The following ZNF16 variants were observed in gnomAD, a reference collection of about 807,000 sequenced individuals.
ZNF16 encodes the protein zinc finger protein 16, also known as zinc finger protein KOX9.
A neutral mutation model predicts 9.0 loss-of-function variants in ZNF16; 7 were observed. The observed-to-expected ratio is 0.78, with a 90% CI of 0.44 to 1.47. ZNF16 has a LOEUF of 1.47. Among genes scored for constraint, ZNF16 ranks in the 40% most tolerant of loss-of-function variants. The pLI is 0.01. For synonymous variants in ZNF16, 312 were observed against 301.5 expected, an observed-to-expected ratio of 1.03 and a Z score of -0.36; for missense variants, 830 against 854.2, an observed-to-expected ratio of 0.97 and a Z score of 0.35.
intron 1 of ZNF16, among the ~76,000 whole-genome samples, chr8:144,948,988 G>T (rs1239352376): frequency 6.6e-6 from 1 of 152,264 alleles, no homozygotes; most frequent in African/African-American, 2.4e-5. Flanking sequence ...CCACATGGAA[G>T]GACCTCGGAG....
rs1302573210 is a variant in ZNF16, at chr8:144,931,426, A to T, written c.1361T>A (p.Ile454Asn). The T allele has an allele frequency of 2.5e-6, 4 of 1,614,128 alleles. No individual in the cohort carries two copies. ...QSSSLIQHRR[I>N]HTGEKPHVCN... ...CACGTGAGGCTTTTCTCCAGTGTGA[A>T]TTCTCCGATGCTGAATAAGGCTGGA... The change falls in exon 3 of 3, where the codon ATT becomes AAT. Residue 454 changes from isoleucine to asparagine, a missense_variant. Ile to Asn is a moderately radical substitution (Grantham distance 149). Transcript: ENST00000394909.
At chr8:144,949,759 A>T (rs1181306461) in intron 1 of ZNF16, among the ~76,000 whole-genome samples, 1 of 152,202 alleles carries the variant, frequency 6.6e-6, no homozygotes, top group Non-Finnish European at 1.5e-5. Flanking sequence ...GCGATAAGCC[A>T]CAGGGACTTC....
chr8:144,942,348 C>T (rs1833822791), intron 2 of ZNF16, among the ~76,000 whole-genome samples: 1 of 151,744 alleles, frequency 6.6e-6, no homozygotes, highest in Non-Finnish European at 1.5e-5. Context: ...GGCACAATCT[C>T]ATGCCTCTGC....
rs770472712 is a variant in ZNF16, at chr8:144,945,919, T to C, written c.196+92A>G. 9.1e-6 allele frequency: 14 copies of C among 1,536,676 alleles called. No homozygotes were observed. In the African/African-American group the frequency reaches 1.9e-4, roughly 21 times the overall value. Reference sequence around the variant, plus strand: ...ACCCCGTCACCCTCCCTACCTGTGATGACACAGATGCCTCCTAGGGGTAAG... The same window carrying C: ...ACCCCGTCACCCTCCCTACCTGTGACGACACAGATGCCTCCTAGGGGTAAG... On this transcript the variant is annotated intron_variant, in intron 2 of 2. Transcript: ENST00000394909.
intron 2 of ZNF16, among the ~76,000 whole-genome samples, chr8:144,943,641 T>C (rs1349127717): frequency 6.6e-6 from 1 of 152,052 alleles, no homozygotes; most frequent in Non-Finnish European, 1.5e-5. Flanking sequence ...TGCCTCAGCC[T>C]CCAGAGTAGC....
chr8:144,942,580 G>A (rs922628216), intron 2 of ZNF16, among the ~76,000 whole-genome samples: 28 of 152,124 alleles, frequency 1.8e-4, no homozygotes, highest in Admixed American at 1.8e-3. Flanking sequence ...GAGCCACTGC[G>A]TCAAGCCCAT....
chr8:144,946,018 C>T lies in ZNF16; in HGVS notation c.189G>A (p.Gln63=), dbSNP rs978116875. Residue 63 remains glutamine, a synonymous_variant, in exon 2 of 3, where the codon CAG becomes CAA. Coordinates refer to ENST00000394909, the MANE Select transcript of ZNF16 (RefSeq NM_006958.3). ...GAACTGTTCTTAAAGTACCTGGCTG[C>T]TGATAGTGAGGGCAGATGGCTTCCA... The part of the protein sequence containing the change: ...TELEAICPHY[Q]QPDCDTRTED... 1.2e-5 allele frequency: 20 copies of T among 1,613,506 alleles called. No individual in the cohort carries two copies. Among genetic ancestry groups the T allele is most frequent in the Non-Finnish European group, 1.6e-5 (19 of 1,179,754 alleles).
Position 144,931,483 on chromosome 8 carries a change from C to T in ZNF16, c.1304G>A (p.Cys435Tyr). The T allele has an allele frequency of 6.2e-7, 1 of 1,614,162 alleles. No homozygotes were observed. The highest frequency in any genetic ancestry group is 8.5e-7 in the Non-Finnish European group (1 of 1,180,018). Residue 435 changes from cysteine to tyrosine, a missense_variant, in exon 3 of 3, where the codon TGC (cysteine) becomes TAC (tyrosine). Coordinates refer to ENST00000394909, the MANE Select transcript of ZNF16 (RefSeq NM_006958.3). Reference sequence around the variant, plus strand: ...ACTAAATGCTTTCCCACAGTCACTGCACTTATAGGGCTTCTCTCCAGTGTG... The same window carrying T: ...ACTAAATGCTTTCCCACAGTCACTGTACTTATAGGGCTTCTCTCCAGTGTG... The part of the protein sequence containing the change: ...RVHTGEKPYK[C>Y]SDCGKAFSQS...
At position 144,931,652 on chromosome 8, in the gene ZNF16, A is replaced by T; in HGVS notation, c.1135T>A (p.Cys379Ser). 5.0e-6 allele frequency: 8 copies of T among 1,613,874 alleles called. No individual in the cohort carries two copies. Among genetic ancestry groups the T allele is most frequent in the Non-Finnish European group, 6.8e-6 (8 of 1,179,998 alleles). The part of the protein sequence containing the change: ...RTHTGEKPFE[C>S]GECGKAFSQS... ...CTGAAGGCTTTCCCACACTCGCCAC[A>T]CTCAAAAGGCTTCTCTCCTGTGTGA... Residue 379 changes from cysteine (C) to serine (S), a missense_variant, in exon 3 of 3, where the codon TGT becomes AGT. Physicochemically the swap from Cys to Ser is moderately radical, Grantham distance 112. Coordinates refer to ENST00000394909, the MANE Select transcript of ZNF16 (RefSeq NM_006958.3).
In ZNF16 at chr8:144,946,020, G is replaced by A. The variant is rs1833917182; in HGVS notation, c.187C>T (p.Gln63Ter). The A allele has an allele frequency of 6.2e-7, 1 of 1,613,688 alleles. No homozygotes were observed. The highest frequency in any genetic ancestry group is 1.3e-5 in the African/African-American group (1 of 75,016). Reference protein sequence around the residue: ...TELEAICPHYQQPDCDTRTED... With the variant: ...TELEAICPHY ...ACTGTTCTTAAAGTACCTGGCTGCT[G>A]ATAGTGAGGGCAGATGGCTTCCAGC... Residue 63 changes from glutamine to a stop codon, truncating the protein, a stop_gained, in exon 2 of 3, where the codon CAG becomes TAG. Coordinates refer to ENST00000394909, the MANE Select transcript of ZNF16 (RefSeq NM_006958.3). LOFTEE classifies it low-confidence loss of function (END_TRUNC).
At chr8:144,946,570 T>TG (rs201832014) in intron 1 of ZNF16, among the ~76,000 whole-genome samples, 50 of 137,300 alleles carry the variant, frequency 3.6e-4, no homozygotes, top group African/African-American at 1.4e-3. Flanking sequence ...TACCCTGCTG[T>TG]GGGCCTGTGT....
intron 2 of ZNF16, among the ~76,000 whole-genome samples, chr8:144,938,699 A>G (rs966910181): frequency 2.6e-5 from 4 of 152,212 alleles, no homozygotes; most frequent in African/African-American, 9.6e-5. Context: ...TCTTATGGAA[A>G]AAGAATTTTA....
intron 2 of ZNF16, among the ~76,000 whole-genome samples, chr8:144,935,180 T>C (rs545918683): frequency 7.4e-5 from 11 of 149,276 alleles, no homozygotes; most frequent in African/African-American, 1.4e-4. Flanking sequence ...AAATATAAAA[T>C]AAAAAATTTT....
chr8:144,945,800 C>A lies in ZNF16; in HGVS notation c.196+211G>T, dbSNP rs577032405. On this transcript the variant is annotated intron_variant, in intron 2 of 2. Coordinates refer to ENST00000394909, the MANE Select transcript of ZNF16 (RefSeq NM_006958.3). ...GCCATCATGTCATACCTCTTCGTGTCAAGTGGGGAAATCACAGTTCTGCTC... is the reference window on the plus strand; with the variant it reads ...GCCATCATGTCATACCTCTTCGTGTAAAGTGGGGAAATCACAGTTCTGCTC... The A allele has an allele frequency of 3.7e-5, 36 of 961,912 alleles. No homozygotes were observed. In the Admixed American group the frequency reaches 7.5e-4, roughly 20 times the overall value. 59.6% of individuals were successfully genotyped at this position (961,912 alleles called of 1,614,324 possible). A position where few individuals can be genotyped will look rare whatever the true frequency, so the allele number is the denominator to read the frequency against.
At chr8:144,945,899 G>A (rs3824110) in intron 2 of ZNF16, 112 bp downstream of exon 2, 350,575 of 1,476,308 alleles carry the variant, frequency 0.24, 42,655 homozygotes, top group Middle Eastern at 0.35. Context: ...AGAGTACCCC[G>A]TCACCCTCCC....
At chr8:144,947,029 G>C in intron 1 of ZNF16, among the ~76,000 whole-genome samples, 2 of 130,302 alleles carry the variant, frequency 1.5e-5, no homozygotes, top group African/African-American at 6.5e-5. Flanking sequence ...CTGCTGTTGG[G>C]CCTGTGTCCT....
rs767098172 is a variant in ZNF16, at chr8:144,932,518, G to A, written c.269C>T (p.Ala90Val). The change falls in exon 3 of 3, where the codon GCA becomes GTA. Residue 90 changes from alanine to valine, a missense_variant. By Grantham distance (64) the Ala-to-Val change is moderately conservative. Transcript: ENST00000394909. This position sits in a 1 kb window ranked among gnomAD's most constrained non-coding sequence, Gnocchi z 5.0. ...ACCAGCATAGTTTTCTGATATTTCT[G>A]CCTGTGATTCCAAATCTTCATGAAT... is the stretch of plus-strand genomic sequence containing the variant. ...EDIHEDLESQ[A>V]EISENYAGDV... is the part of the protein sequence containing the mutation. 1 of 1,614,192 alleles carries A rather than the reference G, an allele frequency of 6.2e-7. No individual in the cohort carries two copies. The highest frequency in any genetic ancestry group is 8.5e-7 in the Non-Finnish European group (1 of 1,180,034).
intron 1 of ZNF16, among the ~76,000 whole-genome samples, chr8:144,946,602 G>C (rs1219331895): frequency 8.4e-6 from 1 of 119,480 alleles, no homozygotes; most frequent in African/African-American, 3.6e-5. Context: ...TCTGTATCCT[G>C]CTGTTGGGCT....
Position 144,931,427 on chromosome 8 carries a change from T to G in ZNF16, c.1360A>C (p.Ile454Leu), listed in dbSNP as rs1586947086. 1 of 1,614,118 alleles carries G rather than the reference T, an allele frequency of 6.2e-7. No individual in the cohort carries two copies. Among genetic ancestry groups the G allele is most frequent in the Middle Eastern group, 1.7e-4 (1 of 6,060 alleles). Residue 454 changes from isoleucine (I) to leucine (L), a missense_variant, in exon 3 of 3, where the codon ATT (isoleucine) becomes CTT (leucine). Physicochemically the swap from Ile to Leu is conservative, Grantham distance 5 (BLOSUM62 2). Coordinates refer to ENST00000394909, the MANE Select transcript of ZNF16 (RefSeq NM_006958.3). ...ACGTGAGGCTTTTCTCCAGTGTGAA[T>G]TCTCCGATGCTGAATAAGGCTGGAG... ...QSSSLIQHRR[I>L]HTGEKPHVCN... is the part of the protein sequence containing the mutation.
Sources: allele counts gnomAD v4.1 joint callset (sites outside exome capture counted in the v4.1 genomes callset), GRCh38; gene constraint gnomAD v4.1.1; non-coding constraint Gnocchi (gnomAD v3.1); transcripts MANE v1.5; gene names NCBI Gene and HGNC (gene_info 2026-07-23, HGNC 2026-07-21).